Variants in SLAMF1 observed in about 807,000 individuals in gnomAD.
SLAMF1 encodes the protein signaling lymphocytic activation molecule.
A neutral mutation model predicts 35.1 loss-of-function variants in SLAMF1; 18 were observed. That is an observed-to-expected ratio of 0.51 (90% CI 0.35 to 0.76). SLAMF1 has a LOEUF of 0.76. SLAMF1 is among the 30% of genes least tolerant of loss of function. The pLI is 0.01. For synonymous variants in SLAMF1, 168 were observed against 157.2 expected (o/e 1.07, Z -0.51); for missense variants, 392 against 413.0 (o/e 0.95, Z 0.44).
intron 3 of SLAMF1, among the ~76,000 whole-genome samples, chr1:160,628,155 G>A (rs969642177): frequency 2.0e-5 from 3 of 152,158 alleles, no homozygotes; most frequent in African/African-American, 7.2e-5. Context: ...GGCAGGATGA[G>A]AGCGGACTAA....
At chr1:160,634,400 G>A in intron 3 of SLAMF1, 1 of 984,524 alleles carries the variant, frequency 1.0e-6, no homozygotes, top group African/African-American at 1.7e-5. Context: ...ACCTCCTGTT[G>A]GTTTCGTCAA....
intron 1 of SLAMF1, 74 bp from the exon 2 acceptor site, chr1:160,637,603 G>T: frequency 9.2e-7 from 1 of 1,088,020 alleles, no homozygotes; most frequent in South Asian, 1.5e-5. Context: ...GATCAGGAAG[G>T]ACAGACTGGA....
intron 5 of SLAMF1, chr1:160,615,780 T>C (rs1659267361): frequency 3.4e-6 from 1 of 297,580 alleles, no homozygotes; most frequent in Non-Finnish European, 6.8e-6. Flanking sequence ...TTATAAGAGA[T>C]GGAAAAGAAG....
rs761330123 is a variant in SLAMF1 at position 160,634,602 on chromosome 1, A to G, written c.700+11T>C. 4 of 1,583,580 alleles carry G rather than the reference A, an allele frequency of 2.5e-6. No individual in the cohort carries two copies. The South Asian group carries it at 4.7e-5, about 18-fold the overall frequency. On this transcript the variant is annotated intron_variant, in intron 3 of 6. Coordinates refer to ENST00000302035, the MANE Select transcript of SLAMF1 (RefSeq NM_003037.5). ...TTAAGGTGGCACACAGGCTGCCACC[A>G]GTGTACTCACCTGAGGGGTCTGTCC...
At chr1:160,632,367 A>C (rs537030496) in intron 3 of SLAMF1, among the ~76,000 whole-genome samples, 1 of 152,250 alleles carries the variant, frequency 6.6e-6, no homozygotes, top group African/African-American at 2.4e-5. Flanking sequence ...AGATCCTGAC[A>C]GGGCCCTTCC....
chr1:160,637,401 A>AT lies in SLAMF1; in HGVS notation c.204dup (p.Ser69IlefsTer14), dbSNP rs771467355. On this transcript the variant is annotated frameshift_variant, in exon 2 of 7. Coordinates refer to ENST00000302035, the MANE Select transcript of SLAMF1 (RefSeq NM_003037.5). LOFTEE classifies it high-confidence loss of function. The stretch of plus-strand genomic sequence containing the variant: ...TTGTTCTCGACACTGTTCTCCAGTG[A>AT]TTTTGCCATTGTGACGACAATGTGG... 6.8e-6 allele frequency: 11 copies of AT among 1,613,922 alleles called. No individual in the cohort carries two copies. Among genetic ancestry groups the AT allele is most frequent in the Non-Finnish European group, 8.5e-7 (1 of 1,179,996 alleles).
At position 160,612,577 on chromosome 1, in the gene SLAMF1, G is replaced by A; in HGVS notation, c.868C>T (p.Leu290Phe). Residue 290 changes from leucine to phenylalanine, a missense_variant, in exon 6 of 7, where the codon CTT (leucine) becomes TTT (phenylalanine). Transcript: ENST00000302035. ...IYAQVQKPGP[L>F]QKKLDSFPAQ... ...GGGAAGGAGTCAAGTTTCTTCTGAA[G>A]AGGCTACAAGAGAAGCAAAGAAAGC... The A allele has an allele frequency of 6.2e-7, 1 of 1,602,078 alleles. No homozygotes were observed. The highest frequency in any genetic ancestry group is 8.5e-7 in the Non-Finnish European group (1 of 1,169,852).
intron 4 of SLAMF1, among the ~76,000 whole-genome samples, chr1:160,621,334 G>T (rs1352270302): frequency 7.2e-5 from 11 of 152,154 alleles, no homozygotes; most frequent in African/African-American, 2.7e-4. Context: ...GCTGAGGTGG[G>T]CAGATCACGA....
Position 160,642,546 on chromosome 1 carries a change from C to T in SLAMF1, c.76+4324G>A, listed in dbSNP as rs2102364556. The stretch of plus-strand genomic sequence containing the variant: ...TGTCTGTTTTATTCACTACAGTATC[C>T]CTAACACCCACCTGGGACATAGTAG... On this transcript the variant is annotated intron_variant, in intron 1 of 6. Transcript: ENST00000302035. The surrounding 1 kb of genome is among the most constrained non-coding windows in gnomAD (Gnocchi z 4.2). 6.6e-6 allele frequency among the ~76,000 whole-genome samples: 1 copy of T among 152,214 alleles called. No homozygotes were observed. Among genetic ancestry groups the T allele is most frequent in the East Asian group, 1.9e-4 (1 of 5,178 alleles).
rs751602451 is a variant in SLAMF1 at position 160,615,803 on chromosome 1, G to A, written c.865-3223C>T. ...GATGGAAAAGAAGAAGACACAGAGA[G>A]GGAGGTCATGTGAAGATGAAGGCAA... On this transcript the variant is annotated intron_variant, in intron 5 of 6. Transcript: ENST00000302035. 39 of 266,570 alleles carry A rather than the reference G, an allele frequency of 1.5e-4. 1 individual carries two copies. Among genetic ancestry groups the A allele is most frequent in the South Asian group, 1.4e-3 (39 of 28,092 alleles). The allele number at this position is 266,570 out of a possible 1,614,324, so 16.5% of individuals were successfully genotyped here. A position where few individuals can be genotyped will look rare whatever the true frequency, so the allele number is the denominator to read the frequency against.
At chr1:160,626,268 G>A (rs1011516518) in intron 3 of SLAMF1, among the ~76,000 whole-genome samples, 4 of 152,088 alleles carry the variant, frequency 2.6e-5, no homozygotes, top group African/African-American at 7.2e-5. Flanking sequence ...CCTCTCCCTC[G>A]CGCCCGACGC....
intron 5 of SLAMF1, among the ~76,000 whole-genome samples, chr1:160,619,544 G>T (rs143791249): frequency 3.5e-4 from 54 of 152,282 alleles, no homozygotes; most frequent in Middle Eastern, 3.4e-3. Context: ...TGTATTTCCA[G>T]CTTCTTCATT....
chr1:160,636,391 G>C (rs193199676), intron 2 of SLAMF1, among the ~76,000 whole-genome samples: 2 of 152,288 alleles, frequency 1.3e-5, no homozygotes, highest in East Asian at 3.9e-4. Context: ...GGGAATTCCT[G>C]TCCCATCCCC....
intron 3 of SLAMF1, among the ~76,000 whole-genome samples, chr1:160,627,691 A>G (rs536224884): frequency 6.6e-6 from 1 of 152,330 alleles, no homozygotes; most frequent in South Asian, 2.1e-4. Flanking sequence ...GTTCAGGTCA[A>G]GCTGCACATG....
intron 5 of SLAMF1, among the ~76,000 whole-genome samples, chr1:160,617,053 G>A (rs1051605357): frequency 2.0e-5 from 3 of 152,038 alleles, no homozygotes; most frequent in African/African-American, 7.3e-5. Context: ...CTGCTTGGGA[G>A]GCCGAGACAG....
intron 3 of SLAMF1, among the ~76,000 whole-genome samples, chr1:160,633,097 A>G (rs1660246639): frequency 6.6e-6 from 1 of 152,168 alleles, no homozygotes; most frequent in Non-Finnish European, 1.5e-5. Flanking sequence ...TGCCCTTGTA[A>G]GTAGAAAGGG....
intron 3 of SLAMF1, among the ~76,000 whole-genome samples, chr1:160,634,145 C>T (rs998270391): frequency 6.6e-6 from 1 of 152,214 alleles, no homozygotes; most frequent in Admixed American, 6.5e-5. Context: ...TACGTCTTAT[C>T]TTTACAATGA....
intron 5 of SLAMF1, among the ~76,000 whole-genome samples, chr1:160,616,122 G>A (rs554337709): frequency 1.0e-3 from 159 of 152,264 alleles, no homozygotes; most frequent in Non-Finnish European, 2.0e-3. Flanking sequence ...CCACTGGTTG[G>A]GCATGACTAC....
At chr1:160,635,308 G>T (rs181097381) in intron 2 of SLAMF1, among the ~76,000 whole-genome samples, 2 of 152,084 alleles carry the variant, frequency 1.3e-5, no homozygotes, top group African/African-American at 4.8e-5. Flanking sequence ...TTCATCTATC[G>T]TGATGTGTGT....
Sources: allele counts gnomAD v4.1 joint callset (sites outside exome capture counted in the v4.1 genomes callset), GRCh38; gene constraint gnomAD v4.1.1; non-coding constraint Gnocchi (gnomAD v3.1); transcripts MANE v1.5; gene names NCBI Gene and HGNC (gene_info 2026-07-23, HGNC 2026-07-21).